Variants in PTH2R observed in about 807,000 individuals in gnomAD.
The protein encoded by PTH2R is PTH2 receptor.
In PTH2R, 59 loss-of-function variants were observed where a neutral mutation model predicts 60.3. The observed-to-expected ratio is 0.98, with a 90% CI of 0.79 to 1.22. The LOEUF (loss-of-function observed/expected upper bound fraction) is 1.22, where lower values mean the gene tolerates loss of function less well. Ranked by LOEUF, PTH2R falls within the 50% of genes most tolerant of loss-of-function variation. PTH2R has a pLI of 0.00. For synonymous variants in PTH2R, 256 were observed against 243.8 expected, an observed-to-expected ratio of 1.05 and a Z score of -0.47; for missense variants, 749 against 682.6, an observed-to-expected ratio of 1.10 and a Z score of -1.08.
chr2:208,398,039 A>C (rs975107733), intron 1 of PTH2R, among the ~76,000 whole-genome samples: 1 of 152,238 alleles, frequency 6.6e-6, no homozygotes, highest in Admixed American at 6.5e-5. Flanking sequence ...GATTACTAGA[A>C]AGCAATTTAT....
chr2:208,436,965 T>C (rs919988168), intron 2 of PTH2R, among the ~76,000 whole-genome samples: 2 of 152,168 alleles, frequency 1.3e-5, no homozygotes, highest in East Asian at 1.9e-4. Context: ...TGAAGTGACT[T>C]GGACTATCGT....
intron 1 of PTH2R, among the ~76,000 whole-genome samples, chr2:208,427,221 C>T (rs568409533): frequency 6.6e-6 from 1 of 152,082 alleles, no homozygotes; most frequent in South Asian, 2.1e-4. Flanking sequence ...AAAAAAACAG[C>T]CAGGAAAAAA....
At chr2:208,442,590 T>C in intron 5 of PTH2R, 129 bp downstream of exon 5, 1 of 698,378 alleles carries the variant, frequency 1.4e-6, no homozygotes. Context: ...AGCCTAATGT[T>C]ATTATGTTAT....
rs370335285 is a variant in PTH2R at position 208,361,737 on chromosome 2, T to C, written c.-259+1500T>C. Among the ~76,000 whole-genome samples, 22 of 152,248 alleles carry C rather than the reference T, an allele frequency of 1.4e-4. No individual in the cohort carries two copies. In the East Asian group the frequency reaches 4.2e-3, roughly 29 times the overall value. ...AGCATGATTTCTTAAGTTTCATTCA[T>C]GTTGTAGCACATGTCAAGATTTCCT... On this transcript the variant is annotated intron_variant, in intron 1 of 12. Transcript: ENST00000617735.
In PTH2R at chr2:208,470,699, C is replaced by G. The variant is rs115078487; in HGVS notation, c.982-10371C>G. ...CCTTTATCAGCAGCATGAAAACAGA[C>G]TAATAAAGTAAATTGGTATCAGTAG... On this transcript the variant is annotated intron_variant, in intron 9 of 12. Transcript: ENST00000272847. 3.3e-3 allele frequency among the ~76,000 whole-genome samples: 500 copies of G among 152,170 alleles called. 3 individuals carry two copies. The highest frequency in any genetic ancestry group is 0.012 in the African/African-American group (483 of 41,516).
rs142226814 is a variant in PTH2R at position 208,438,161 on chromosome 2, A to T, written c.411+280A>T. 1.4e-4 allele frequency among the ~76,000 whole-genome samples: 22 copies of T among 152,192 alleles called. 1 individual carries two copies. In the East Asian group the frequency reaches 4.3e-3, roughly 29 times the overall value. ...TTACATTGTTTACTTGCATTATATTATGCTATATTATGAATAAAAATCCCA... is the reference window on the plus strand; with the variant it reads ...TTACATTGTTTACTTGCATTATATTTTGCTATATTATGAATAAAAATCCCA... On this transcript the variant is annotated intron_variant, in intron 4 of 12. Transcript: ENST00000272847.
At chr2:208,420,551 T>G (rs1013161825) in intron 1 of PTH2R, among the ~76,000 whole-genome samples, 1 of 152,220 alleles carries the variant, frequency 6.6e-6, no homozygotes, top group Non-Finnish European at 1.5e-5. Context: ...TAAAATTTAA[T>G]TGGTGTTTTT....
intron 11 of PTH2R, among the ~76,000 whole-genome samples, chr2:208,490,127 T>C (rs1216988493): frequency 6.6e-6 from 1 of 152,218 alleles, no homozygotes; most frequent in Non-Finnish European, 1.5e-5. Flanking sequence ...TATCCATGTC[T>C]CTTCCTTTCT....
chr2:208,493,136 C>T (rs1703443546), intron 12 of PTH2R, 128 bp from the exon 13 acceptor site: 1 of 1,029,956 alleles, frequency 9.7e-7, no homozygotes, highest in Non-Finnish European at 1.3e-6. Context: ...TAGATAAAGT[C>T]CCTGGCACGT....
chr2:208,433,043 C>A (rs1339442190), intron 2 of PTH2R, among the ~76,000 whole-genome samples: 1 of 152,150 alleles, frequency 6.6e-6, no homozygotes, highest in African/African-American at 2.4e-5. Context: ...TAATATTAAT[C>A]ATCACAAAGA....
chr2:208,427,014 A>T (rs924373329), intron 1 of PTH2R, among the ~76,000 whole-genome samples: 1 of 152,248 alleles, frequency 6.6e-6, no homozygotes, highest in African/African-American at 2.4e-5. Flanking sequence ...GGTTATCCCT[A>T]TAAAAAGGCT....
intron 4 of PTH2R, among the ~76,000 whole-genome samples, chr2:208,440,417 A>G (rs1449319526): frequency 6.6e-6 from 1 of 152,156 alleles, no homozygotes; most frequent in Non-Finnish European, 1.5e-5. Context: ...CTATTTTATT[A>G]AGAGAAAATA....
chr2:208,413,565 C>T (rs1396848148), intron 1 of PTH2R, among the ~76,000 whole-genome samples: 1 of 152,148 alleles, frequency 6.6e-6, no homozygotes, highest in Non-Finnish European at 1.5e-5. Context: ...TTAATTATTC[C>T]TGCATTAACC....
At position 208,437,604 on chromosome 2, in the gene PTH2R, G is replaced by A. The variant is rs1229550928; in HGVS notation, c.246G>A (p.Ser82=). ...CCAGAGGAACAGTGGGGAAAATATC[G>A]GCTGTTCCATGCCCTCCTTATATTT... ...CWPRGTVGKI[S]AVPCPPYIYD... Residue 82 remains serine, a synonymous_variant, in exon 3 of 13, where the codon TCG becomes TCA. Transcript: ENST00000272847. 17 of 1,613,262 alleles carry A rather than the reference G, an allele frequency of 1.1e-5. No homozygotes were observed. Among genetic ancestry groups the A allele is most frequent in the East Asian group, 2.2e-5 (1 of 44,862 alleles).
Position 208,444,829 on chromosome 2 carries a change from C to G in PTH2R, c.795C>G (p.Ile265Met), listed in dbSNP as rs143390240. 2.6e-5 allele frequency: 42 copies of G among 1,613,942 alleles called. No homozygotes were observed. The highest frequency in any genetic ancestry group is 1.8e-4 in the Admixed American group (11 of 60,008). ...AAGGTCTCTACCTGCATAATCTCATCTTTGTGGCTTTCTTTTCGGACACCA... is the reference window on the plus strand; with the variant it reads ...AAGGTCTCTACCTGCATAATCTCATGTTTGTGGCTTTCTTTTCGGACACCA... ...LVEGLYLHNLIFVAFFSDTKY... is the reference protein window; with the variant it reads ...LVEGLYLHNLMFVAFFSDTKY... Residue 265 changes from isoleucine (I) to methionine (M), a missense_variant, in exon 7 of 13, where the codon ATC becomes ATG. Coordinates refer to ENST00000272847, the MANE Select transcript of PTH2R (RefSeq NM_005048.4).
chr2:208,427,461 C>T (rs999735404), intron 1 of PTH2R, among the ~76,000 whole-genome samples: 2 of 152,014 alleles, frequency 1.3e-5, no homozygotes, highest in African/African-American at 4.8e-5. Flanking sequence ...TTTCAACCCC[C>T]AAAATTAGTT....
At chr2:208,493,181 G>A (rs1559236403) in intron 12 of PTH2R, 83 bp from the exon 13 acceptor site, 1 of 1,349,576 alleles carries the variant, frequency 7.4e-7, no homozygotes, top group Non-Finnish European at 9.7e-7. Flanking sequence ...TGCTGTCATT[G>A]AAATCAAGGC....
intron 1 of PTH2R, among the ~76,000 whole-genome samples, chr2:208,376,857 T>G (rs1700801553): frequency 1.3e-5 from 2 of 152,020 alleles, no homozygotes; most frequent in Non-Finnish European, 2.9e-5. Flanking sequence ...CTCTTTCTTT[T>G]TTTTTTAAGT....
intron 2 of PTH2R, among the ~76,000 whole-genome samples, chr2:208,433,337 A>G (rs992774763): frequency 2.6e-5 from 4 of 152,348 alleles, no homozygotes; most frequent in Middle Eastern, 3.4e-3. Context: ...ATGTCTAATT[A>G]TATATAAATT....
Sources: allele counts gnomAD v4.1 joint callset (sites outside exome capture counted in the v4.1 genomes callset), GRCh38; gene constraint gnomAD v4.1.1; transcripts MANE v1.5; gene names NCBI Gene and HGNC (gene_info 2026-07-23, HGNC 2026-07-21).